KLC1: variants seen among roughly 807,000 people sequenced by gnomAD.
KLC1 encodes the protein kinesin 2 60/70kDa.
Under a neutral mutation model 84.2 loss-of-function variants are expected in KLC1, and 30 were observed. The ratio of observed to expected loss-of-function variants is 0.36; its 90% CI spans 0.27 to 0.48. The LOEUF is 0.48. Among genes scored for constraint, KLC1 ranks in the 20% least tolerant of loss-of-function variants. KLC1 has a pLI of 0.99. For synonymous variants in KLC1, 289 were observed against 293.3 expected, an observed-to-expected ratio of 0.99 and a Z score of 0.15; for missense variants, 499 against 805.4, an observed-to-expected ratio of 0.62 and a Z score of 4.60.
At chr14:103,677,832 G>A (rs1327521152) in intron 12 of KLC1, among the ~76,000 whole-genome samples, 2 of 151,614 alleles carry the variant, frequency 1.3e-5, no homozygotes, top group Admixed American at 6.6e-5. Flanking sequence ...GGTGGCACAC[G>A]CCTGTAATCC....
At chr14:103,664,577 C>A (rs553835567) in intron 5 of KLC1, among the ~76,000 whole-genome samples, 2 of 152,044 alleles carry the variant, frequency 1.3e-5, no homozygotes, top group East Asian at 3.9e-4. Flanking sequence ...CTCAGTGATG[C>A]GATCATGGGT....
intron 1 of KLC1, among the ~76,000 whole-genome samples, chr14:103,636,972 G>A (rs1310424474): frequency 3.4e-5 from 5 of 147,268 alleles, no homozygotes; most frequent in African/African-American, 7.5e-5. Context: ...CTCGTGATCC[G>A]CCCGTCTTGG....
chr14:103,669,299 G>T (rs2080172176), intron 5 of KLC1, among the ~76,000 whole-genome samples: 1 of 151,856 alleles, frequency 6.6e-6, no homozygotes, highest in Non-Finnish European at 1.5e-5. Flanking sequence ...GCCGGGCGTG[G>T]TGACAGATGC....
At chr14:103,688,370 C>G (rs140106805) in intron 14 of KLC1, among the ~76,000 whole-genome samples, 1 of 152,132 alleles carries the variant, frequency 6.6e-6, no homozygotes. Flanking sequence ...AGGCTGGTCT[C>G]GAACTCCTGA....
chr14:103,683,749 C>T (rs967479843), intron 13 of KLC1: 3 of 152,284 alleles, frequency 2.0e-5, no homozygotes, highest in South Asian at 2.1e-4. Context: ...GAAGCAGCCT[C>T]TCTCCGTCTT....
chr14:103,693,835 C>A lies in KLC1; in HGVS notation c.1848+1410C>A. 1 of 1,384,368 alleles carries A rather than the reference C, an allele frequency of 7.2e-7. No homozygotes were observed. Among genetic ancestry groups the A allele is most frequent in the Non-Finnish European group, 9.3e-7 (1 of 1,072,126 alleles). 85.8% of individuals were successfully genotyped at this position (1,384,368 alleles called of 1,614,324 possible). A position where few individuals can be genotyped will look rare whatever the true frequency, so the allele number is the denominator to read the frequency against. ...TGCAGCCCCAGTGCCAGGAGCCACC[C>A]CGACCGCGACCCGGCCAGGCTGGCT... On this transcript the variant is annotated intron_variant, in intron 15 of 16. Coordinates refer to ENST00000334553, the MANE Select transcript of KLC1 (RefSeq NM_001394837.1). This position sits in a 1 kb window ranked among gnomAD's most constrained non-coding sequence, Gnocchi z 5.1.
chr14:103,666,291 C>G (rs950364915), intron 5 of KLC1, among the ~76,000 whole-genome samples: 1 of 152,006 alleles, frequency 6.6e-6, no homozygotes, highest in Non-Finnish European at 1.5e-5. Flanking sequence ...TCTTGATCTC[C>G]TGACCTTGTG....
At chr14:103,665,844 C>T (rs1186399205) in intron 5 of KLC1, among the ~76,000 whole-genome samples, 1 of 152,180 alleles carries the variant, frequency 6.6e-6, no homozygotes, top group Non-Finnish European at 1.5e-5. Context: ...CTGTGTCTGC[C>T]CATGCTTCTG....
chr14:103,636,879 C>T lies in KLC1; in HGVS notation c.-2+7385C>T, dbSNP rs368861012. On this transcript the variant is annotated intron_variant, in intron 1 of 16. Transcript: ENST00000334553. ...CTGGGACTACAGGCGCCTGCCACCA[C>T]GCCCAGCTAATTTTTTTTTTTGTTG... Among the ~76,000 whole-genome samples, 28 of 151,472 alleles carry T rather than the reference C, an allele frequency of 1.8e-4. No homozygotes were observed. The East Asian group carries it at 4.7e-3, about 25-fold the overall frequency.
At chr14:103,669,438 AAAAG>A in intron 5 of KLC1, 69 bp from the exon 6 acceptor site, 17 of 847,332 alleles carry the variant, frequency 2.0e-5, no homozygotes, top group Non-Finnish European at 2.6e-5. Flanking sequence ...TGTCTAAAAA[AAAAG>A]AAAAGAAAAG....
chr14:103,681,659 A>T (rs1010284218), intron 13 of KLC1, among the ~76,000 whole-genome samples: 1 of 152,056 alleles, frequency 6.6e-6, no homozygotes, highest in African/African-American at 2.4e-5. Flanking sequence ...GGGTTTCACC[A>T]TGTTGGCCAG....
chr14:103,646,180 A>C (rs1044118419), intron 1 of KLC1, among the ~76,000 whole-genome samples: 4 of 152,220 alleles, frequency 2.6e-5, no homozygotes, highest in Non-Finnish European at 5.9e-5. Context: ...AGTTTGCGTC[A>C]TATCTATCAG....
intron 1 of KLC1, among the ~76,000 whole-genome samples, chr14:103,635,345 C>T (rs1567003582): frequency 6.6e-6 from 1 of 152,052 alleles, no homozygotes; most frequent in Non-Finnish European, 1.5e-5. Context: ...TACTGTAAAC[C>T]CTGCGGATGT....
chr14:103,651,556 T>C (rs540509638), intron 1 of KLC1, among the ~76,000 whole-genome samples: 26 of 152,350 alleles, frequency 1.7e-4, no homozygotes, highest in African/African-American at 5.5e-4. Flanking sequence ...GTGAGAGGTA[T>C]CGAGTCTAAA....
intron 15 of KLC1, chr14:103,697,635 A>G (rs2082666197): frequency 6.6e-6 from 1 of 151,488 alleles, no homozygotes; most frequent in Non-Finnish European, 1.5e-5. Context: ...TTGAACATTT[A>G]TTTGTCAAAG....
chr14:103,657,931 G>A (rs2078946633), intron 3 of KLC1, among the ~76,000 whole-genome samples, 155 bp downstream of exon 3: 1 of 152,218 alleles, frequency 6.6e-6, no homozygotes, highest in South Asian at 2.1e-4. Context: ...ACAATCCAGA[G>A]AGACACCATT....
At chr14:103,699,128 C>T (rs774160691) in intron 15 of KLC1, 25 of 1,572,946 alleles carry the variant, frequency 1.6e-5, no homozygotes, top group Non-Finnish European at 8.6e-7. Flanking sequence ...CATGGCTGCA[C>T]TCACCCCAGC....
At chr14:103,653,874 C>G (rs570825461) in intron 1 of KLC1, among the ~76,000 whole-genome samples, 2 of 152,314 alleles carry the variant, frequency 1.3e-5, no homozygotes, top group Non-Finnish European at 2.9e-5. Context: ...CAGCGGCTGT[C>G]AGGCACAACA....
chr14:103,685,804 T>C (rs1267851800), intron 13 of KLC1: 41 of 1,212,298 alleles, frequency 3.4e-5, no homozygotes, highest in Non-Finnish European at 4.2e-5. Flanking sequence ...GCTGTCCTTT[T>C]TGGGGGGGTT....
Sources: allele counts gnomAD v4.1 joint callset (sites outside exome capture counted in the v4.1 genomes callset), GRCh38; gene constraint gnomAD v4.1.1; non-coding constraint Gnocchi (gnomAD v3.1); transcripts MANE v1.5; gene names NCBI Gene and HGNC (gene_info 2026-07-23, HGNC 2026-07-21).